The following DNAAF9 variants were observed in gnomAD, a reference collection of about 807,000 sequenced individuals.
DNAAF9 encodes the protein dynein axonemal assembly factor 9.
DNAAF9 carries 90 observed loss-of-function variants against 167.0 expected under a neutral mutation model. The observed-to-expected ratio is 0.54, with a 90% CI of 0.45 to 0.64. DNAAF9 has a LOEUF of 0.64. Ranked by LOEUF, DNAAF9 falls within the 30% of genes least tolerant of loss-of-function variation. The pLI, the probability that DNAAF9 is intolerant of heterozygous loss-of-function variation, is 0.00. For synonymous variants in DNAAF9, 491 were observed against 508.8 expected (o/e 0.96, Z 0.47); for missense variants, 1,315 against 1,442.2 (o/e 0.91, Z 1.43).
intron 6 of DNAAF9, chr20:3,362,284 T>C: frequency 8.2e-7 from 1 of 1,213,008 alleles, no homozygotes; most frequent in African/African-American, 1.5e-5. Flanking sequence ...CAGTTGGAAA[T>C]TGCAAGGGAC....
At chr20:3,352,258 G>A (rs2070340025) in intron 7 of DNAAF9, among the ~76,000 whole-genome samples, 1 of 152,102 alleles carries the variant, frequency 6.6e-6, no homozygotes. Flanking sequence ...AGAATGCTTT[G>A]CCATACCACC....
rs1251165866 is a variant in DNAAF9 at position 3,261,535 on chromosome 20, T to G, written c.2874-1507A>C. Among the ~76,000 whole-genome samples the G allele has an allele frequency of 2.0e-5, 3 of 150,172 alleles. No individual in the cohort carries two copies. The East Asian group carries it at 5.9e-4, about 30-fold the overall frequency. Reference sequence around the variant, plus strand: ...GGTGCCCACCACCACGCCCAGCTAATTTTTGTATTTTTAATAGAGATGGGG... The same window carrying G: ...GGTGCCCACCACCACGCCCAGCTAAGTTTTGTATTTTTAATAGAGATGGGG... On this transcript the variant is annotated intron_variant, in intron 31 of 36. Coordinates refer to ENST00000252032, the MANE Select transcript of DNAAF9 (RefSeq NM_001009984.3).
intron 1 of DNAAF9, 60 bp from the exon 2 acceptor site, chr20:3,382,566 C>T: frequency 7.7e-7 from 1 of 1,295,950 alleles, no homozygotes; most frequent in Non-Finnish European, 1.1e-6. Flanking sequence ...AGAAGAGCAG[C>T]ATCCTGTGTC....
chr20:3,324,796 C>T (rs1467569915), intron 14 of DNAAF9, 96 bp downstream of exon 14: 2 of 709,666 alleles, frequency 2.8e-6, no homozygotes, highest in Non-Finnish European at 5.0e-6. Context: ...TGAAACATTT[C>T]TCAAAGGGGA....
chr20:3,356,757 G>A (rs1304584898), intron 7 of DNAAF9, among the ~76,000 whole-genome samples: 2 of 152,170 alleles, frequency 1.3e-5, no homozygotes, highest in East Asian at 3.9e-4. Flanking sequence ...CACAGCAAGA[G>A]TATAAGAGGC....
At chr20:3,328,233 G>C (rs1050482704) in intron 12 of DNAAF9, among the ~76,000 whole-genome samples, 12 of 145,026 alleles carry the variant, frequency 8.3e-5, no homozygotes, top group Middle Eastern at 3.2e-3. Flanking sequence ...CCAGGCTAGA[G>C]TACACTGGTG....
chr20:3,261,360 A>C (rs1016901487), intron 31 of DNAAF9, among the ~76,000 whole-genome samples: 2 of 150,270 alleles, frequency 1.3e-5, no homozygotes, highest in Non-Finnish European at 3.0e-5. Context: ...TTAATTAATT[A>C]ATTAATTAAT....
chr20:3,358,430 C>T (rs934677340), intron 7 of DNAAF9, among the ~76,000 whole-genome samples: 6 of 152,016 alleles, frequency 3.9e-5, no homozygotes, highest in South Asian at 2.1e-4. Flanking sequence ...ATTACAGGCG[C>T]GTGCCATTGT....
In DNAAF9 at chr20:3,394,737, C is replaced by T. The variant is rs75167180; in HGVS notation, c.84-12231G>A. On this transcript the variant is annotated intron_variant, in intron 1 of 36. Coordinates refer to ENST00000252032, the MANE Select transcript of DNAAF9 (RefSeq NM_001009984.3). ...ACACTTTCAGAATTTGCTAAACTGTCGTATATAGTTGGATCTATTGTTTGG... is the reference window on the plus strand; with the variant it reads ...ACACTTTCAGAATTTGCTAAACTGTTGTATATAGTTGGATCTATTGTTTGG... Among the ~76,000 whole-genome samples the T allele has an allele frequency of 8.1e-3, 1,237 of 152,032 alleles. 6 individuals are homozygous for T. Among genetic ancestry groups the T allele is most frequent in the Middle Eastern group, 0.031 (9 of 292 alleles).
chr20:3,265,308 T>C (rs916819176), intron 30 of DNAAF9, among the ~76,000 whole-genome samples: 2 of 152,090 alleles, frequency 1.3e-5, no homozygotes, highest in African/African-American at 4.8e-5. Context: ...CTCATGTCTG[T>C]AATCCCAGCA....
intron 3 of DNAAF9, among the ~76,000 whole-genome samples, chr20:3,380,883 T>C (rs986945860): frequency 1.3e-5 from 2 of 152,216 alleles, no homozygotes; most frequent in South Asian, 2.1e-4. Context: ...AAATCCAGCA[T>C]TGTAGTCACA....
intron 3 of DNAAF9, among the ~76,000 whole-genome samples, chr20:3,381,126 G>C (rs1292263414): frequency 6.6e-6 from 1 of 152,188 alleles, no homozygotes; most frequent in African/African-American, 2.4e-5. Flanking sequence ...TTGCCAAACA[G>C]AGATAAAGCC....
intron 25 of DNAAF9, among the ~76,000 whole-genome samples, chr20:3,292,611 C>T (rs1382423741): frequency 2.0e-5 from 3 of 151,768 alleles, no homozygotes; most frequent in Non-Finnish European, 4.4e-5. Flanking sequence ...ACTAAAAATA[C>T]AAAAATTAGC....
chr20:3,357,470 TC>T (rs758633300), intron 7 of DNAAF9, among the ~76,000 whole-genome samples: 2 of 151,878 alleles, frequency 1.3e-5, no homozygotes, highest in African/African-American at 4.8e-5. Context: ...AGACTCTGTC[TC>T]AAAAAAATAA....
At chr20:3,366,818 G>A (rs2083438311) in intron 6 of DNAAF9, among the ~76,000 whole-genome samples, 1 of 151,908 alleles carries the variant, frequency 6.6e-6, no homozygotes, top group South Asian at 2.1e-4. Context: ...CCAGCTAGGT[G>A]GGAGGCTGAG....
At chr20:3,255,943 C>T (rs1245505459) in intron 34 of DNAAF9, 63 bp downstream of exon 34, 26 of 1,297,206 alleles carry the variant, frequency 2.0e-5, no homozygotes, top group Non-Finnish European at 1.6e-5. Context: ...TTCTCAGGGC[C>T]AACAGCAGCT....
At chr20:3,406,196 G>A (rs542241009) in intron 1 of DNAAF9, among the ~76,000 whole-genome samples, 2 of 152,182 alleles carry the variant, frequency 1.3e-5, no homozygotes, top group Non-Finnish European at 2.9e-5. Flanking sequence ...AGGTTTCTAA[G>A]AATCAGTTTC....
chr20:3,402,530 C>T (rs1185975675), intron 1 of DNAAF9, among the ~76,000 whole-genome samples: 2 of 152,102 alleles, frequency 1.3e-5, no homozygotes, highest in African/African-American at 4.8e-5. Flanking sequence ...TCCCCATCCC[C>T]GCTACATCCT....
intron 1 of DNAAF9, among the ~76,000 whole-genome samples, chr20:3,386,009 C>T (rs1008690398): frequency 6.6e-6 from 1 of 151,988 alleles, no homozygotes; most frequent in African/African-American, 2.4e-5. Context: ...TTTACATAAG[C>T]CAGGAACAGT....
Sources: allele counts gnomAD v4.1 joint callset (sites outside exome capture counted in the v4.1 genomes callset), GRCh38; gene constraint gnomAD v4.1.1; transcripts MANE v1.5; gene names NCBI Gene and HGNC (gene_info 2026-07-23, HGNC 2026-07-21).